The following OSBPL10 variants were observed in gnomAD, a reference collection of about 807,000 sequenced individuals.
OSBPL10 encodes oxysterol binding protein like 10, also known as oxysterol-binding protein-related protein 10.
Under a neutral mutation model 81.7 loss-of-function variants are expected in OSBPL10, and 49 were observed. The observed-to-expected ratio is 0.60, with a 90% CI of 0.48 to 0.76. The LOEUF (loss-of-function observed/expected upper bound fraction) is 0.76. Among genes scored for constraint, OSBPL10 ranks in the 30% least tolerant of loss-of-function variants. The probability of loss-of-function intolerance (pLI) is 0.00; values close to 1 mark genes in which losing one functional copy is unlikely to be tolerated. For missense variants in OSBPL10, 923 were observed against 987.8 expected (o/e 0.93, Z 0.88); for synonymous variants, 419 against 383.6 (o/e 1.09, Z -1.08).
chr3:31,846,563 C>A (rs1487707069), intron 3 of OSBPL10, among the ~76,000 whole-genome samples: 1 of 151,974 alleles, frequency 6.6e-6, no homozygotes, highest in East Asian at 1.9e-4. Context: ...ACCTGGGAGG[C>A]GGAGGTTGCA....
chr3:31,729,669 TCAACCACCCAAA>T (rs1160476591), intron 6 of OSBPL10, among the ~76,000 whole-genome samples: 1 of 151,940 alleles, frequency 6.6e-6, no homozygotes, highest in Non-Finnish European at 1.5e-5. Flanking sequence ...TCCACCCACC[TCAACCACCCAAA>T]GTGCTGGGAT....
intron 2 of OSBPL10, among the ~76,000 whole-genome samples, chr3:31,878,455 GT>G (rs35957498): frequency 1.3e-5 from 2 of 152,048 alleles, no homozygotes; most frequent in Admixed American, 1.3e-4. Flanking sequence ...ATTCCTGAAA[GT>G]TTTTTATCAA....
intron 1 of OSBPL10, among the ~76,000 whole-genome samples, chr3:31,961,834 TC>T (rs1358300640): frequency 6.6e-6 from 1 of 152,048 alleles, no homozygotes; most frequent in East Asian, 1.9e-4. Flanking sequence ...TTCTAAAGGT[TC>T]CCTTTCAAGA....
chr3:31,779,923 AAATT>A (rs1401666289), intron 4 of OSBPL10, among the ~76,000 whole-genome samples: 15 of 152,234 alleles, frequency 9.9e-5, no homozygotes, highest in African/African-American at 2.9e-4. Flanking sequence ...AAATACATAG[AAATT>A]AATTAATTTG....
intron 3 of OSBPL10, among the ~76,000 whole-genome samples, chr3:31,835,165 T>C (rs1700334680): frequency 6.6e-6 from 1 of 152,140 alleles, no homozygotes; most frequent in Admixed American, 6.5e-5. Flanking sequence ...AAGACAGTCA[T>C]CCTAATTACT....
intron 1 of OSBPL10, among the ~76,000 whole-genome samples, chr3:31,914,719 T>C (rs1696699608): frequency 1.3e-5 from 2 of 152,150 alleles, no homozygotes; most frequent in Admixed American, 6.5e-5. Context: ...CAACTAGTCA[T>C]TAGCCATGTG....
chr3:31,680,467 G>A (rs1266325688), intron 8 of OSBPL10, among the ~76,000 whole-genome samples: 3 of 152,140 alleles, frequency 2.0e-5, no homozygotes, highest in Non-Finnish European at 2.9e-5. Flanking sequence ...CCCCTTCAAT[G>A]GCTTGTGCTG....
intron 4 of OSBPL10, among the ~76,000 whole-genome samples, chr3:31,771,713 C>T (rs751316281): frequency 6.6e-6 from 1 of 152,182 alleles, no homozygotes; most frequent in Non-Finnish European, 1.5e-5. Context: ...CTTAATCACT[C>T]ATGTCTTTAG....
intron 1 of OSBPL10, among the ~76,000 whole-genome samples, chr3:31,942,954 C>T (rs577819964): frequency 6.6e-6 from 1 of 152,178 alleles, no homozygotes; most frequent in African/African-American, 2.4e-5. Context: ...TATTTCCAAA[C>T]CTTTTTCATC....
intron 3 of OSBPL10, among the ~76,000 whole-genome samples, chr3:31,852,294 C>T (rs935644477): frequency 3.9e-5 from 6 of 152,062 alleles, no homozygotes; most frequent in South Asian, 2.1e-4. Context: ...AACCGGCAGT[C>T]GGGGGCAGGG....
chr3:32,043,490 AG>A (rs1699595014), intron 2 of OSBPL10, among the ~76,000 whole-genome samples: 1 of 152,244 alleles, frequency 6.6e-6, no homozygotes, highest in South Asian at 2.1e-4. Flanking sequence ...CGAAGATAAC[AG>A]GATTAAGAGA....
intron 1 of OSBPL10, among the ~76,000 whole-genome samples, chr3:32,070,052 TC>T (rs1205743594): frequency 6.6e-6 from 1 of 152,190 alleles, no homozygotes; most frequent in Non-Finnish European, 1.5e-5. Flanking sequence ...TTCCCAGATC[TC>T]CTCAGCTTAG....
At chr3:31,935,120 C>T (rs1452958986) in intron 1 of OSBPL10, among the ~76,000 whole-genome samples, 1 of 152,102 alleles carries the variant, frequency 6.6e-6, no homozygotes, top group African/African-American at 2.4e-5. Context: ...ATCAAGAAAC[C>T]GAAGCTCTCC....
intron 3 of OSBPL10, 135 bp from the exon 4 acceptor site, chr3:31,830,366 A>G: frequency 1.1e-6 from 1 of 871,498 alleles, no homozygotes; most frequent in Non-Finnish European, 1.7e-6. Context: ...AAGGAGGTAT[A>G]ACAACACTGC....
intron 2 of OSBPL10, among the ~76,000 whole-genome samples, chr3:31,996,015 C>CA (rs1050834720): frequency 6.6e-6 from 1 of 151,894 alleles, no homozygotes; most frequent in Non-Finnish European, 1.5e-5. Context: ...AAATGAAACT[C>CA]AAAAAAAGGA....
At chr3:31,763,621 C>T (rs1698122525) in intron 4 of OSBPL10, among the ~76,000 whole-genome samples, 2 of 152,200 alleles carry the variant, frequency 1.3e-5, no homozygotes, top group Admixed American at 1.3e-4. Flanking sequence ...AAACACCTGC[C>T]ATTCCCTTTT....
intron 2 of OSBPL10, among the ~76,000 whole-genome samples, chr3:32,042,329 A>G (rs1316694523): frequency 6.6e-6 from 1 of 152,240 alleles, no homozygotes; most frequent in Non-Finnish European, 1.5e-5. Flanking sequence ...ATCTGTGTGC[A>G]TAATAACATG....
intron 4 of OSBPL10, among the ~76,000 whole-genome samples, chr3:31,762,630 A>ATTTTAAGTTTTTGGTTTTTTTT (rs1698080704): frequency 1.6e-5 from 1 of 61,514 alleles, no homozygotes; most frequent in African/African-American, 8.0e-5. Flanking sequence ...CATGCCCAGC[A>ATTTTAAGTTTTTGGTTTTTTTT]TTTTTTTTTT....
chr3:31,785,977 C>T (rs141361977), intron 4 of OSBPL10, among the ~76,000 whole-genome samples: 4 of 152,292 alleles, frequency 2.6e-5, no homozygotes, highest in African/African-American at 7.2e-5. Context: ...AGGCAACTTG[C>T]GTAGAAGTTG....
Sources: allele counts gnomAD v4.1 joint callset (sites outside exome capture counted in the v4.1 genomes callset), GRCh38; gene constraint gnomAD v4.1.1; transcripts MANE v1.5; gene names NCBI Gene and HGNC (gene_info 2026-07-23, HGNC 2026-07-21).